CDA: variants seen among roughly 807,000 people sequenced by gnomAD.
The protein encoded by CDA is cytidine aminohydrolase.
A neutral mutation model predicts 15.0 loss-of-function variants in CDA; 7 were observed. The observed-to-expected ratio is 0.47, with a 90% CI of 0.26 to 0.87. The LOEUF (loss-of-function observed/expected upper bound fraction) is 0.87. Ranked by LOEUF, CDA falls within the 40% of genes least tolerant of loss-of-function variation. CDA has a pLI of 0.15. For missense variants in CDA, 159 were observed against 182.7 expected (o/e 0.87, Z 0.75); for synonymous variants, 58 against 73.0 (o/e 0.79, Z 1.05).
At chr1:20,591,124 T>C (rs1010009167) in intron 1 of CDA, among the ~76,000 whole-genome samples, 10 of 151,980 alleles carry the variant, frequency 6.6e-5, no homozygotes, top group African/African-American at 2.4e-4. Flanking sequence ...CGGATCACGA[T>C]GTCAGGAGAT....
At chr1:20,589,978 C>T (rs1256904337) in intron 1 of CDA, among the ~76,000 whole-genome samples, 1 of 152,190 alleles carries the variant, frequency 6.6e-6, no homozygotes, top group African/African-American at 2.4e-5. Context: ...CTAATCTGTT[C>T]CTAAACTCTT....
In CDA at chr1:20,613,855, G is replaced by T; in HGVS notation, c.280G>T (p.Asp94Tyr). ...TTGCTTCCCCAGTGACATGCAAGAT[G>T]ATTTTATCTCTCCATGTGGGGCCTG... ...AIAIASDMQD[D>Y]FISPCGACRQ... Residue 94 changes from aspartate (D) to tyrosine (Y), a missense_variant, in exon 3 of 4, where the codon GAT (aspartate) becomes TAT (tyrosine). Asp to Tyr is a radical substitution (Grantham distance 160). Coordinates refer to ENST00000375071, the MANE Select transcript of CDA (RefSeq NM_001785.3). 1.2e-6 allele frequency: 2 copies of T among 1,614,030 alleles called. No individual in the cohort carries two copies. The highest frequency in any genetic ancestry group is 1.7e-6 in the Non-Finnish European group (2 of 1,179,918).
At chr1:20,610,133 G>T (rs2052733117) in intron 2 of CDA, among the ~76,000 whole-genome samples, 1 of 151,956 alleles carries the variant, frequency 6.6e-6, no homozygotes. Flanking sequence ...TGTCTGTTTT[G>T]TTCACTGCTG....
chr1:20,595,264 T>C (rs1481004454), intron 1 of CDA, among the ~76,000 whole-genome samples: 3 of 152,166 alleles, frequency 2.0e-5, no homozygotes, highest in African/African-American at 7.2e-5. Context: ...TAGAAGACAC[T>C]TGAGGATGTC....
intron 1 of CDA, among the ~76,000 whole-genome samples, chr1:20,590,495 T>C (rs2052538194): frequency 6.6e-6 from 1 of 152,166 alleles, no homozygotes; most frequent in Non-Finnish European, 1.5e-5. Context: ...CTCACAACAT[T>C]GCAGAATCTT....
chr1:20,603,876 C>T (rs2052669460), intron 1 of CDA, among the ~76,000 whole-genome samples: 2 of 152,130 alleles, frequency 1.3e-5, no homozygotes, highest in South Asian at 4.1e-4. Flanking sequence ...CTCCTAGGAG[C>T]AGCCTTGGCT....
At chr1:20,601,699 C>T (rs991850185) in intron 1 of CDA, among the ~76,000 whole-genome samples, 1 of 152,172 alleles carries the variant, frequency 6.6e-6, no homozygotes, top group Non-Finnish European at 1.5e-5. Flanking sequence ...TCACTCCTAA[C>T]ATGCCAATGT....
intron 1 of CDA, among the ~76,000 whole-genome samples, chr1:20,599,883 A>T (rs1278507764): frequency 6.6e-6 from 1 of 152,176 alleles, no homozygotes; most frequent in Non-Finnish European, 1.5e-5. Context: ...TTCTCACAAC[A>T]GGACTATGAG....
chr1:20,612,086 C>T (rs1305308780), intron 2 of CDA, among the ~76,000 whole-genome samples: 1 of 152,152 alleles, frequency 6.6e-6, no homozygotes, highest in African/African-American at 2.4e-5. Context: ...TGGTCTCGAA[C>T]TCCTGACCTC....
rs2052601715 is a variant in CDA at position 20,597,505 on chromosome 1, C to G, written c.155-7423C>G. 2.0e-5 allele frequency among the ~76,000 whole-genome samples: 3 copies of G among 152,206 alleles called. No homozygotes were observed. The South Asian group carries it at 6.2e-4, about 32-fold the overall frequency. On this transcript the variant is annotated intron_variant, in intron 1 of 3. Coordinates refer to ENST00000375071, the MANE Select transcript of CDA (RefSeq NM_001785.3). ...GGATGCATGTTTTGGCCTCCTGCCACCAGCCTTCACTTTTACCTTCTGTAA... is the reference window on the plus strand; with the variant it reads ...GGATGCATGTTTTGGCCTCCTGCCAGCAGCCTTCACTTTTACCTTCTGTAA...
intron 2 of CDA, among the ~76,000 whole-genome samples, chr1:20,607,166 T>C (rs1212669532): frequency 1.3e-5 from 2 of 152,212 alleles, no homozygotes; most frequent in Admixed American, 6.5e-5. Flanking sequence ...CTGGCTAAAA[T>C]GCAGAAATGC....
intron 1 of CDA, among the ~76,000 whole-genome samples, chr1:20,599,512 G>T (rs1418394864): frequency 6.6e-6 from 1 of 151,962 alleles, no homozygotes; most frequent in Non-Finnish European, 1.5e-5. Flanking sequence ...ACCTACTTGG[G>T]AGGCTGAGGC....
In CDA at chr1:20,613,835, T is replaced by G; in HGVS notation, c.267-7T>G. The G allele has an allele frequency of 6.2e-7, 1 of 1,613,744 alleles. No homozygotes were observed. The highest frequency in any genetic ancestry group is 8.5e-7 in the Non-Finnish European group (1 of 1,179,706). Reference sequence around the variant, plus strand: ...ACTAATTTGAGTTTGATTCTTTGCTTCCCCAGTGACATGCAAGATGATTTT... The same window carrying G: ...ACTAATTTGAGTTTGATTCTTTGCTGCCCCAGTGACATGCAAGATGATTTT... On this transcript the variant is annotated splice_region_variant and splice_polypyrimidine_tract_variant and intron_variant, in intron 2 of 3. Coordinates refer to ENST00000375071, the MANE Select transcript of CDA (RefSeq NM_001785.3).
intron 2 of CDA, among the ~76,000 whole-genome samples, chr1:20,611,818 G>A (rs2052755454): frequency 6.6e-6 from 1 of 152,186 alleles, no homozygotes; most frequent in Non-Finnish European, 1.5e-5. Context: ...TGAGACACAT[G>A]CACTTTATTC....
chr1:20,617,266 T>A (rs983683928), intron 3 of CDA, among the ~76,000 whole-genome samples: 1 of 152,196 alleles, frequency 6.6e-6, no homozygotes, highest in Non-Finnish European at 1.5e-5. Context: ...GACAAATTTT[T>A]CTTTGCTGAC....
At chr1:20,605,248 G>A (rs1003424203) in intron 2 of CDA, among the ~76,000 whole-genome samples, 10 of 152,110 alleles carry the variant, frequency 6.6e-5, no homozygotes, top group Admixed American at 2.6e-4. Flanking sequence ...TGCAAAGCAG[G>A]TAAATAAGCA....
intron 2 of CDA, among the ~76,000 whole-genome samples, chr1:20,608,449 G>C (rs868011716): frequency 3.3e-5 from 5 of 150,290 alleles, no homozygotes; most frequent in African/African-American, 1.0e-4. Flanking sequence ...TCTCTGTGCC[G>C]CCCAGGCTGG....
chr1:20,589,824 G>T (rs1201459531), intron 1 of CDA, among the ~76,000 whole-genome samples: 1 of 152,188 alleles, frequency 6.6e-6, no homozygotes, highest in Non-Finnish European at 1.5e-5. Flanking sequence ...GCTCAGTGCT[G>T]GCCAGGGTGG....
At position 20,613,086 on chromosome 1, in the gene CDA, G is replaced by A. The variant is rs151173866; in HGVS notation, c.267-756G>A. Among the ~76,000 whole-genome samples the A allele has an allele frequency of 4.3e-3, 661 of 152,168 alleles. 6 individuals are homozygous for A. The highest frequency in any genetic ancestry group is 0.015 in the African/African-American group (610 of 41,518). ...GCATACAGTAGACATTCACTAAATG[G>A]TGACTTATGAACTCTACACTTCCTC... is the stretch of plus-strand genomic sequence containing the variant. On this transcript the variant is annotated intron_variant, in intron 2 of 3. Coordinates refer to ENST00000375071, the MANE Select transcript of CDA (RefSeq NM_001785.3).
Sources: gnomAD v4.1 joint callset for allele counts (sites outside exome capture counted in the v4.1 genomes callset) on GRCh38, gnomAD v4.1.1 for gene constraint, MANE v1.5 for transcripts, NCBI Gene and HGNC (gene_info 2026-07-23, HGNC 2026-07-21) for gene names.